The following SH3GLB1 variants were observed in gnomAD, a reference collection of about 807,000 sequenced individuals.
The protein encoded by SH3GLB1 is endophilin-B1.
A neutral mutation model predicts 42.0 loss-of-function variants in SH3GLB1; 17 were observed. The observed-to-expected ratio is 0.40, with a 90% CI of 0.28 to 0.61. The LOEUF is 0.61. SH3GLB1 is among the 20% of genes least tolerant of loss of function. The pLI is 0.36. For missense variants in SH3GLB1, 355 were observed against 426.3 expected (o/e 0.83, Z 1.47); for synonymous variants, 132 against 146.6 (o/e 0.90, Z 0.72).
intron 5 of SH3GLB1, among the ~76,000 whole-genome samples, chr1:86,729,163 C>A (rs1055681247): frequency 1.3e-5 from 2 of 151,966 alleles, no homozygotes; most frequent in African/African-American, 2.4e-5. Context: ...TGAACATAGC[C>A]AACAATTTGT....
At chr1:86,742,536 T>A in intron 8 of SH3GLB1, 100 bp downstream of exon 8, 2 of 757,112 alleles carry the variant, frequency 2.6e-6, no homozygotes. Flanking sequence ...TTGGAAATGG[T>A]TTCATAGATT....
intron 5 of SH3GLB1, chr1:86,730,119 A>C: frequency 1.3e-6 from 2 of 1,592,706 alleles, no homozygotes; most frequent in Non-Finnish European, 1.7e-6. Flanking sequence ...AAAGTAAGTA[A>C]ATTATTAAAT....
rs1474987320 is a variant in SH3GLB1 at position 86,722,632 on chromosome 1, C to G, written c.436C>G (p.Pro146Ala). The change falls in exon 4 of 9, where the codon CCT (proline) becomes GCT (alanine). Residue 146 changes from proline to alanine, a missense_variant. Coordinates refer to ENST00000370558, the MANE Select transcript of SH3GLB1 (RefSeq NM_016009.5). ...AACGTCAGCCTTAAATTTTCTTACT[C>G]CTTTAAGAAACTTTATAGAAGGAGA... The part of the protein sequence containing the change: ...IQTSALNFLT[P>A]LRNFIEGDYK... 6.2e-7 allele frequency: 1 copy of G among 1,608,554 alleles called. No homozygotes were observed. The highest frequency in any genetic ancestry group is 1.7e-5 in the Admixed American group (1 of 59,404).
intron 7 of SH3GLB1, among the ~76,000 whole-genome samples, chr1:86,739,215 G>T (rs1369095205): frequency 1.3e-5 from 2 of 152,214 alleles, no homozygotes; most frequent in Non-Finnish European, 2.9e-5. Context: ...ATTTAAATCT[G>T]TGAGACTAGA....
chr1:86,706,510 A>G (rs1653877833), intron 1 of SH3GLB1, among the ~76,000 whole-genome samples: 1 of 152,202 alleles, frequency 6.6e-6, no homozygotes, highest in South Asian at 2.1e-4. Flanking sequence ...TAGTTAAAAT[A>G]ATGTTTTGAT....
intron 8 of SH3GLB1, 73 bp downstream of exon 8, chr1:86,742,509 A>G: frequency 1.8e-6 from 2 of 1,096,700 alleles, no homozygotes; most frequent in East Asian, 2.4e-5. Flanking sequence ...ACAAAATGCA[A>G]ATTCCTCATT....
At chr1:86,705,351 C>T (rs565887460) in intron 1 of SH3GLB1, among the ~76,000 whole-genome samples, 1 of 152,318 alleles carries the variant, frequency 6.6e-6, no homozygotes, top group African/African-American at 2.4e-5. Flanking sequence ...GCCATTCTTG[C>T]ACTACCCCCC....
At chr1:86,727,850 A>G (rs766379427) in intron 5 of SH3GLB1, among the ~76,000 whole-genome samples, 1 of 152,072 alleles carries the variant, frequency 6.6e-6, no homozygotes, top group Non-Finnish European at 1.5e-5. Context: ...GCATTTCCAC[A>G]GCAGTGTAAA....
At chr1:86,705,324 C>A (rs1352701444) in intron 1 of SH3GLB1, among the ~76,000 whole-genome samples, 1 of 152,210 alleles carries the variant, frequency 6.6e-6, no homozygotes, top group Non-Finnish European at 1.5e-5. Context: ...GAGTCCTTTG[C>A]GGTAACCGAG....
intron 7 of SH3GLB1, chr1:86,738,637 AG>A (rs1420894033): frequency 6.0e-5 from 9 of 150,378 alleles, no homozygotes; most frequent in African/African-American, 2.2e-4. Flanking sequence ...AATTATTGCA[AG>A]GTTTTGTTTT....
intron 2 of SH3GLB1, among the ~76,000 whole-genome samples, chr1:86,717,275 A>G (rs1654590336): frequency 2.0e-5 from 3 of 152,200 alleles, no homozygotes; most frequent in African/African-American, 7.2e-5. Flanking sequence ...CCTTGTTCTA[A>G]ACATATTTTT....
intron 5 of SH3GLB1, among the ~76,000 whole-genome samples, chr1:86,727,713 G>A (rs761959483): frequency 4.6e-5 from 7 of 152,000 alleles, no homozygotes; most frequent in African/African-American, 7.2e-5. Context: ...TACAGTTTTA[G>A]TAATGTTAAA....
At chr1:86,730,212 T>A in intron 5 of SH3GLB1, 1 of 1,487,268 alleles carries the variant, frequency 6.7e-7, no homozygotes, top group Non-Finnish European at 9.0e-7. Flanking sequence ...AGTCACAGTC[T>A]GTGTTAGTAT....
intron 5 of SH3GLB1, among the ~76,000 whole-genome samples, chr1:86,725,164 G>A (rs1655129013): frequency 6.6e-6 from 1 of 151,122 alleles, no homozygotes; most frequent in African/African-American, 2.4e-5. Context: ...ATTAAGATGA[G>A]ACTCAAGTTT....
At chr1:86,705,234 T>C (rs959036876) in intron 1 of SH3GLB1, among the ~76,000 whole-genome samples, 1 of 152,106 alleles carries the variant, frequency 6.6e-6, no homozygotes, top group African/African-American at 2.4e-5. Context: ...TGGGGAACAC[T>C]AAGGCTGCAC....
chr1:86,733,423 G>A (rs1028860597), intron 5 of SH3GLB1, among the ~76,000 whole-genome samples: 9 of 152,044 alleles, frequency 5.9e-5, no homozygotes, highest in African/African-American at 1.9e-4. Flanking sequence ...TACCTTGTTG[G>A]GTTTTTTTTG....
chr1:86,727,325 A>C (rs1222845339), intron 5 of SH3GLB1, among the ~76,000 whole-genome samples: 1 of 151,990 alleles, frequency 6.6e-6, no homozygotes, highest in Non-Finnish European at 1.5e-5. Flanking sequence ...AAGAAAGCCC[A>C]CTTTAATGTT....
chr1:86,724,686 A>G (rs1655058411), intron 5 of SH3GLB1, among the ~76,000 whole-genome samples: 1 of 151,682 alleles, frequency 6.6e-6, no homozygotes, highest in Non-Finnish European at 1.5e-5. Flanking sequence ...CAGCCTGGGC[A>G]ACATGGCACA....
At chr1:86,706,465 C>G (rs1489953241) in intron 1 of SH3GLB1, among the ~76,000 whole-genome samples, 2 of 152,146 alleles carry the variant, frequency 1.3e-5, no homozygotes, top group African/African-American at 4.8e-5. Flanking sequence ...CCTTCCTTCC[C>G]TAAAATATGA....
Sources: allele counts gnomAD v4.1 joint callset (sites outside exome capture counted in the v4.1 genomes callset), GRCh38; gene constraint gnomAD v4.1.1; transcripts MANE v1.5; gene names NCBI Gene and HGNC (gene_info 2026-07-23, HGNC 2026-07-21).